The following PLEKHO2 variants were observed in gnomAD, a reference collection of about 807,000 sequenced individuals.
PLEKHO2 encodes pleckstrin homology domain-containing family O member 2.
In PLEKHO2, 20 loss-of-function variants were observed where a neutral mutation model predicts 32.7. The ratio of observed to expected loss-of-function variants is 0.61; its 90% CI spans 0.43 to 0.89. The LOEUF (loss-of-function observed/expected upper bound fraction) is 0.89. Among genes scored for constraint, PLEKHO2 ranks in the 40% least tolerant of loss-of-function variants. The pLI is 0.00. For missense variants in PLEKHO2, 568 were observed against 621.2 expected (o/e 0.91, Z 0.91); for synonymous variants, 247 against 246.3 (o/e 1.00, Z -0.03).
At chr15:64,846,871 G>A (rs2084526130) in intron 1 of PLEKHO2, among the ~76,000 whole-genome samples, 1 of 152,140 alleles carries the variant, frequency 6.6e-6, no homozygotes, top group African/African-American at 2.4e-5. Flanking sequence ...GGCATCCTGG[G>A]AACTGCTCTA....
intron 2 of PLEKHO2, among the ~76,000 whole-genome samples, chr15:64,849,299 C>A (rs1183034221): frequency 6.6e-6 from 1 of 151,162 alleles, no homozygotes; most frequent in Non-Finnish European, 1.5e-5. Flanking sequence ...AGGCATGCAC[C>A]ACCATGCCCA....
At chr15:64,848,531 AACCTGTG>A (rs1437082923) in intron 1 of PLEKHO2, 55 bp from the exon 2 acceptor site, 4 of 1,599,266 alleles carry the variant, frequency 2.5e-6, no homozygotes, top group East Asian at 2.2e-5. Context: ...GTGACCTATG[AACCTGTG>A]ACCTGTGACC....
chr15:64,856,908 T>TCACATGAC (rs2084609872), intron 3 of PLEKHO2, among the ~76,000 whole-genome samples: 1 of 151,974 alleles, frequency 6.6e-6, no homozygotes, highest in East Asian at 1.9e-4. Flanking sequence ...GGCCAGGAGG[T>TCACATGAC]CACATGACCC....
intron 4 of PLEKHO2, among the ~76,000 whole-genome samples, chr15:64,860,460 G>A (rs2084633905): frequency 6.6e-6 from 1 of 152,220 alleles, no homozygotes; most frequent in African/African-American, 2.4e-5. Context: ...TCAGCCCCCT[G>A]TGCTGTACTG....
chr15:64,858,470 G>C (rs1305792864), intron 3 of PLEKHO2, among the ~76,000 whole-genome samples: 1 of 152,138 alleles, frequency 6.6e-6, no homozygotes, highest in Non-Finnish European at 1.5e-5. Flanking sequence ...GTAGGCAGTG[G>C]TCCAAAAATG....
At chr15:64,860,769 C>T (rs370731006) in intron 4 of PLEKHO2, among the ~76,000 whole-genome samples, 17 of 152,318 alleles carry the variant, frequency 1.1e-4, no homozygotes, top group Middle Eastern at 3.4e-3. Context: ...CCCCGTTCCA[C>T]GGGAGAGGGA....
At chr15:64,851,829 G>T (rs552815392) in intron 2 of PLEKHO2, among the ~76,000 whole-genome samples, 1 of 152,224 alleles carries the variant, frequency 6.6e-6, no homozygotes, top group African/African-American at 2.4e-5. Context: ...ATTCGGGCCA[G>T]TGGCGGTCCA....
chr15:64,845,059 C>G (rs1028808694), intron 1 of PLEKHO2, among the ~76,000 whole-genome samples: 3 of 152,180 alleles, frequency 2.0e-5, no homozygotes, highest in African/African-American at 7.2e-5. Context: ...AGAGTTGGGT[C>G]AGAACATCAC....
chr15:64,847,956 C>T (rs888277093), intron 1 of PLEKHO2, among the ~76,000 whole-genome samples: 1 of 152,174 alleles, frequency 6.6e-6, no homozygotes. Flanking sequence ...CTTCCTGGGC[C>T]ACCCCAACCT....
chr15:64,866,540 TG>T lies in PLEKHO2; in HGVS notation c.*653del. 1 of 370,874 alleles carries T rather than the reference TG, an allele frequency of 2.7e-6. No individual in the cohort carries two copies. Among genetic ancestry groups the T allele is most frequent in the Non-Finnish European group, 5.4e-6 (1 of 185,638 alleles). 23.0% of individuals were successfully genotyped at this position (370,874 alleles called of 1,614,324 possible). On this transcript the variant is annotated 3_prime_UTR_variant, in exon 6 of 6. Coordinates refer to ENST00000323544, the MANE Select transcript of PLEKHO2 (RefSeq NM_025201.5). The stretch of plus-strand genomic sequence containing the variant: ...CTCTCTTTGGCCCTGTTTCCTTTTT[TG>T]CAAAACAAGGACATTTTCTGCAGCC...
At chr15:64,843,734 C>G (rs2084503041) in intron 1 of PLEKHO2, among the ~76,000 whole-genome samples, 1 of 152,060 alleles carries the variant, frequency 6.6e-6, no homozygotes, top group South Asian at 2.1e-4. Flanking sequence ...GCATGCACCA[C>G]CACGCCTGGC....
chr15:64,861,441 C>A, intron 4 of PLEKHO2, 36 bp from the exon 5 acceptor site: 2 of 1,519,906 alleles, frequency 1.3e-6, no homozygotes, highest in Non-Finnish European at 1.8e-6. Flanking sequence ...CTCCCCAAGG[C>A]TTGGCAGGGG....
At chr15:64,862,939 C>CTTT (rs34879327) in intron 5 of PLEKHO2, among the ~76,000 whole-genome samples, 2 of 120,104 alleles carry the variant, frequency 1.7e-5, no homozygotes, top group Non-Finnish European at 3.3e-5. Context: ...CCCCCCACCT[C>CTTT]TTTTTTTTTT....
At chr15:64,863,493 C>G (rs2084657203) in intron 5 of PLEKHO2, among the ~76,000 whole-genome samples, 1 of 145,196 alleles carries the variant, frequency 6.9e-6, no homozygotes, top group African/African-American at 2.6e-5. Context: ...CAGAAGAGTT[C>G]AGGGAGGCGC....
chr15:64,850,243 G>A (rs1333755580), intron 2 of PLEKHO2, among the ~76,000 whole-genome samples: 1 of 152,102 alleles, frequency 6.6e-6, no homozygotes, highest in Admixed American at 6.6e-5. Context: ...AATTGCAATA[G>A]TCCCATGAGA....
In PLEKHO2 at chr15:64,865,366, A is replaced by T. The variant is rs537097647; in HGVS notation, c.951A>T (p.Leu317Phe). 7 of 1,613,706 alleles carry T rather than the reference A, an allele frequency of 4.3e-6. No homozygotes were observed. The South Asian group carries it at 7.7e-5, about 18-fold the overall frequency. Residue 317 changes from leucine to phenylalanine, a missense_variant, in exon 6 of 6, where the codon TTA becomes TTT. Physicochemically the swap from Leu to Phe is conservative, Grantham distance 22. Transcript: ENST00000323544. Reference protein sequence around the residue: ...GKPPTPPPKILSEKLKASMGE... With the variant: ...GKPPTPPPKIFSEKLKASMGE... ...CCCCTACACCCCCACCCAAGATCTT[A>T]TCAGAGAAACTGAAAGCCTCCATGG...
intron 3 of PLEKHO2, among the ~76,000 whole-genome samples, chr15:64,855,560 C>G (rs899714069): frequency 2.6e-5 from 4 of 152,208 alleles, no homozygotes; most frequent in African/African-American, 9.7e-5. Flanking sequence ...CTTGCACTTT[C>G]CTTTCTTGGC....
At position 64,865,699 on chromosome 15, in the gene PLEKHO2, C is replaced by T. The variant is rs1235131115; in HGVS notation, c.1284C>T (p.Asn428=). 1.2e-6 allele frequency: 2 copies of T among 1,614,102 alleles called. No individual in the cohort carries two copies. Among genetic ancestry groups the T allele is most frequent in the East Asian group, 2.2e-5 (1 of 44,898 alleles). The change falls in exon 6 of 6, where the codon AAC becomes AAT. Residue 428 remains asparagine, a synonymous_variant. Coordinates refer to ENST00000323544, the MANE Select transcript of PLEKHO2 (RefSeq NM_025201.5). ...VASEQTEKLL[N]KVLGSEPAPV... ...CGGAACAGACGGAGAAACTGTTGAA[C>T]AAGGTGCTGGGCAGTGAGCCGGCCC...
chr15:64,846,126 C>T (rs879610360), intron 1 of PLEKHO2, among the ~76,000 whole-genome samples: 6 of 152,058 alleles, frequency 3.9e-5, no homozygotes, highest in African/African-American at 7.2e-5. Flanking sequence ...TGACAGCCTG[C>T]AGGGCTCGCT....
Sources: gnomAD v4.1 joint callset for allele counts (sites outside exome capture counted in the v4.1 genomes callset) on GRCh38, gnomAD v4.1.1 for gene constraint, MANE v1.5 for transcripts, NCBI Gene and HGNC (gene_info 2026-07-23, HGNC 2026-07-21) for gene names.